COL23A1: variants seen among roughly 807,000 people sequenced by gnomAD.
The protein encoded by COL23A1 is collagen alpha-1(XXIII) chain.
A neutral mutation model predicts 99.3 loss-of-function variants in COL23A1; 97 were observed. The observed-to-expected ratio is 0.98, with a 90% CI of 0.83 to 1.16. The LOEUF (loss-of-function observed/expected upper bound fraction) is 1.16. COL23A1 is among the 50% of genes most tolerant of loss of function. The probability of loss-of-function intolerance (pLI) is 0.00; values close to 1 mark genes in which losing one functional copy is unlikely to be tolerated. For synonymous variants in COL23A1, 320 were observed against 308.2 expected, an observed-to-expected ratio of 1.04 and a Z score of -0.40; for missense variants, 762 against 757.4, an observed-to-expected ratio of 1.01 and a Z score of -0.07.
Position 178,455,690 on chromosome 5 carries a change from G to A in COL23A1, c.361+104992C>T, listed in dbSNP as rs553326948. Among the ~76,000 whole-genome samples the A allele has an allele frequency of 9.9e-5, 15 of 152,124 alleles. 1 individual carries two copies. In the South Asian group the frequency reaches 2.5e-3, roughly 25 times the overall value. ...TTCCTCTCTGCCACGCGGACGGACC[G>A]CACCTCAAGGCCGAGAGCTGGCACC... On this transcript the variant is annotated intron_variant, in intron 2 of 28. Transcript: ENST00000390654.
At chr5:178,256,060 C>T (rs916656139) in intron 15 of COL23A1, among the ~76,000 whole-genome samples, 1 of 152,074 alleles carries the variant, frequency 6.6e-6, no homozygotes. Flanking sequence ...TGTCTGAATA[C>T]ATAAAGAAAG....
intron 26 of COL23A1, 61 bp downstream of exon 26, chr5:178,242,280 C>T (rs1764444974): frequency 5.1e-6 from 8 of 1,569,660 alleles, no homozygotes; most frequent in African/African-American, 1.4e-5. Context: ...CCTGAGCCTC[C>T]ACTCCCACCT....
At chr5:178,574,004 G>A (rs889111795) in intron 1 of COL23A1, among the ~76,000 whole-genome samples, 1 of 151,982 alleles carries the variant, frequency 6.6e-6, no homozygotes, top group Non-Finnish European at 1.5e-5. Context: ...GGGTACAGGC[G>A]CCCACCATCA....
At chr5:178,358,658 GTGTA>G (rs1444198241) in intron 2 of COL23A1, among the ~76,000 whole-genome samples, 99 of 134,272 alleles carry the variant, frequency 7.4e-4, no homozygotes, top group Middle Eastern at 8.1e-3. Flanking sequence ...ATGTGTACGT[GTGTA>G]TGTGTCTAAT....
chr5:178,495,658 G>A (rs902853504), intron 2 of COL23A1, among the ~76,000 whole-genome samples: 1 of 152,100 alleles, frequency 6.6e-6, no homozygotes, highest in African/African-American at 2.4e-5. Flanking sequence ...AGCTGGTCAA[G>A]GAGAGTGGGA....
chr5:178,538,492 A>G (rs73344420), intron 2 of COL23A1, among the ~76,000 whole-genome samples: 4,005 of 152,324 alleles, frequency 0.026, 130 homozygotes, highest in African/African-American at 0.076. Context: ...GTTTCCACAC[A>G]TTCTCCATTT....
At chr5:178,540,586 C>G (rs939056851) in intron 2 of COL23A1, among the ~76,000 whole-genome samples, 17 of 152,220 alleles carry the variant, frequency 1.1e-4, no homozygotes, top group Non-Finnish European at 2.9e-5. Flanking sequence ...AAAGATGTCA[C>G]TCTGTCTAAA....
At chr5:178,512,883 A>G (rs1343721677) in intron 2 of COL23A1, among the ~76,000 whole-genome samples, 2 of 152,060 alleles carry the variant, frequency 1.3e-5, no homozygotes, top group East Asian at 1.9e-4. Flanking sequence ...CTTTTCATCC[A>G]CACCTCCCAT....
intron 2 of COL23A1, among the ~76,000 whole-genome samples, chr5:178,330,374 T>C (rs1285819740): frequency 6.6e-6 from 1 of 152,190 alleles, no homozygotes; most frequent in Non-Finnish European, 1.5e-5. Context: ...GATCGAGCTA[T>C]GGCTGAGCGC....
At chr5:178,498,257 T>TATATAA (rs1758335655) in intron 2 of COL23A1, among the ~76,000 whole-genome samples, 1 of 83,832 alleles carries the variant, frequency 1.2e-5, no homozygotes, top group Admixed American at 1.2e-4. Context: ...TATATATATA[T>TATATAA]AAAAGAACTT....
chr5:178,490,989 T>C (rs1004553431), intron 2 of COL23A1, among the ~76,000 whole-genome samples: 64 of 152,010 alleles, frequency 4.2e-4, no homozygotes, highest in African/African-American at 1.4e-3. Flanking sequence ...ACTAGGCTTG[T>C]CTGCTTGAGG....
intron 2 of COL23A1, among the ~76,000 whole-genome samples, chr5:178,460,664 C>T (rs1415774158): frequency 1.3e-5 from 2 of 152,244 alleles, no homozygotes; most frequent in African/African-American, 4.8e-5. Flanking sequence ...CCCACCCTAG[C>T]TGGCTGCCTT....
chr5:178,575,076 A>G (rs1763281285), intron 1 of COL23A1, among the ~76,000 whole-genome samples: 1 of 152,226 alleles, frequency 6.6e-6, no homozygotes, highest in Admixed American at 6.5e-5. Context: ...CTGTACTCTT[A>G]GGGTCAAGGG....
At position 178,344,822 on chromosome 5, in the gene COL23A1, G is replaced by A. The variant is rs1581189820; in HGVS notation, c.362-37903C>T. Reference sequence around the variant, plus strand: ...TCTTTGTTAAGATCACTGTAGCTCAGGCCCATGGATCTCATTGAAGATGGC... The same window carrying A: ...TCTTTGTTAAGATCACTGTAGCTCAAGCCCATGGATCTCATTGAAGATGGC... On this transcript the variant is annotated intron_variant, in intron 2 of 28. Coordinates refer to ENST00000390654, the MANE Select transcript of COL23A1 (RefSeq NM_173465.4). 3 of 659,598 alleles carry A rather than the reference G, an allele frequency of 4.5e-6. No homozygotes were observed. In the East Asian group the frequency reaches 1.2e-4, roughly 27 times the overall value. 40.9% of individuals were successfully genotyped at this position (659,598 alleles called of 1,614,324 possible).
At chr5:178,375,830 C>T (rs908356237) in intron 2 of COL23A1, among the ~76,000 whole-genome samples, 1 of 152,210 alleles carries the variant, frequency 6.6e-6, no homozygotes, top group African/African-American at 2.4e-5. Context: ...GCCTCAGTCT[C>T]CCGAGTAGCT....
intron 5 of COL23A1, among the ~76,000 whole-genome samples, chr5:178,284,845 CA>C (rs1246620112): frequency 6.6e-6 from 1 of 152,040 alleles, no homozygotes; most frequent in Admixed American, 6.5e-5. Context: ...ACTAAGAAGG[CA>C]CTTGTAATTC....
chr5:178,489,955 T>C (rs1169423997), intron 2 of COL23A1, among the ~76,000 whole-genome samples: 1 of 152,098 alleles, frequency 6.6e-6, no homozygotes, highest in Non-Finnish European at 1.5e-5. Context: ...GTAGGGTGGC[T>C]GGGTGTGGTG....
chr5:178,264,699 C>T (rs966342609), intron 8 of COL23A1, among the ~76,000 whole-genome samples: 8 of 152,208 alleles, frequency 5.3e-5, no homozygotes, highest in African/African-American at 1.9e-4. Context: ...CTCTGTCGCT[C>T]AGGCTGGAGT....
chr5:178,580,338 A>G (rs934747620), intron 1 of COL23A1, among the ~76,000 whole-genome samples: 5 of 151,938 alleles, frequency 3.3e-5, no homozygotes, highest in South Asian at 2.1e-4. Flanking sequence ...AAAAAAAAAA[A>G]AAAGAAAGAA....
Sources: gnomAD v4.1 joint callset for allele counts (sites outside exome capture counted in the v4.1 genomes callset) on GRCh38, gnomAD v4.1.1 for gene constraint, MANE v1.5 for transcripts, NCBI Gene and HGNC (gene_info 2026-07-23, HGNC 2026-07-21) for gene names.